The following EBPL variants were observed in gnomAD, a reference collection of about 807,000 sequenced individuals.
EBPL encodes emopamil-binding protein-like.
In EBPL, 20 loss-of-function variants were observed where a neutral mutation model predicts 19.0. The observed-to-expected ratio is 1.05, with a 90% CI of 0.74 to 1.53. EBPL has a LOEUF of 1.53. EBPL is among the 40% of genes most tolerant of loss of function. EBPL has a pLI of 0.00. For synonymous variants in EBPL, 107 were observed against 117.0 expected, an observed-to-expected ratio of 0.91 and a Z score of 0.55; for missense variants, 219 against 261.1, an observed-to-expected ratio of 0.84 and a Z score of 1.11.
chr13:49,679,915 T>C (rs1319208500), intron 1 of EBPL, among the ~76,000 whole-genome samples: 1 of 152,152 alleles, frequency 6.6e-6, no homozygotes, highest in African/African-American at 2.4e-5. Context: ...ATATGTCTAG[T>C]GAATGAATAA....
At chr13:49,666,845 C>T (rs921737784) in intron 2 of EBPL, among the ~76,000 whole-genome samples, 64 of 149,226 alleles carry the variant, frequency 4.3e-4, no homozygotes, top group Admixed American at 3.4e-3. Context: ...ACTGACATTG[C>T]GCCACTGCAC....
intron 2 of EBPL, among the ~76,000 whole-genome samples, chr13:49,669,539 T>C (rs2137490344): frequency 6.6e-6 from 1 of 152,196 alleles, no homozygotes; most frequent in South Asian, 2.1e-4. Context: ...TTTTAGAACA[T>C]TTCATTACCC....
At chr13:49,667,170 C>G (rs1357683403) in intron 2 of EBPL, among the ~76,000 whole-genome samples, 2 of 152,180 alleles carry the variant, frequency 1.3e-5, no homozygotes, top group Non-Finnish European at 2.9e-5. Context: ...CTCCCTCTGG[C>G]AGTCCCTCTG....
chr13:49,674,766 C>G (rs901821208), intron 1 of EBPL, among the ~76,000 whole-genome samples: 17 of 152,072 alleles, frequency 1.1e-4, no homozygotes, highest in Non-Finnish European at 2.2e-4. Flanking sequence ...GGGAGGCAGG[C>G]TGAGAGGTAG....
chr13:49,686,677 T>C (rs987520501), intron 1 of EBPL: 5 of 1,245,986 alleles, frequency 4.0e-6, no homozygotes, highest in Non-Finnish European at 5.2e-6. Flanking sequence ...GCAAAAGCAG[T>C]CATACCTGGG....
chr13:49,682,866 G>A (rs982455691), intron 1 of EBPL, among the ~76,000 whole-genome samples: 1 of 152,118 alleles, frequency 6.6e-6, no homozygotes, highest in African/African-American at 2.4e-5. Context: ...CATCCCAAAG[G>A]CCCTTGTTCT....
chr13:49,672,710 A>C (rs1488309473), intron 1 of EBPL, among the ~76,000 whole-genome samples: 1 of 152,250 alleles, frequency 6.6e-6, no homozygotes, highest in East Asian at 1.9e-4. Context: ...CTCATTAGCC[A>C]CCAAGGAAAC....
Position 49,686,119 on chromosome 13 carries a change from T to C in EBPL, c.171+5135A>G, listed in dbSNP as rs539749416. On this transcript the variant is annotated intron_variant, in intron 1 of 3. Transcript: ENST00000242827. ...GGACAAGGCTAATCAGACTACACCA[T>C]GACAAAAGTGTGGAAGCAACAACCA... is the stretch of plus-strand genomic sequence containing the variant. Among the ~76,000 whole-genome samples the C allele has an allele frequency of 8.7e-4, 132 of 152,190 alleles. 1 individual carries two copies. Among genetic ancestry groups the C allele is most frequent in the Non-Finnish European group, 1.5e-3 (103 of 68,044 alleles).
At chr13:49,666,023 TGGA>T (rs879443656) in intron 2 of EBPL, among the ~76,000 whole-genome samples, 1 of 152,030 alleles carries the variant, frequency 6.6e-6, no homozygotes, top group Non-Finnish European at 1.5e-5. Flanking sequence ...GCAGATGAGA[TGGA>T]GGAGGTTTAT....
chr13:49,683,439 G>A (rs771318005), intron 1 of EBPL, among the ~76,000 whole-genome samples: 8 of 152,088 alleles, frequency 5.3e-5, no homozygotes, highest in Admixed American at 2.6e-4. Flanking sequence ...GCTGAGGCAG[G>A]AGAATGGTGT....
At chr13:49,682,396 ACAT>A (rs1386113720) in intron 1 of EBPL, among the ~76,000 whole-genome samples, 6 of 152,376 alleles carry the variant, frequency 3.9e-5, no homozygotes, top group African/African-American at 1.4e-4. Context: ...TTGGACATAT[ACAT>A]CATCACTTTA....
intron 1 of EBPL, among the ~76,000 whole-genome samples, chr13:49,690,192 T>C (rs1258713707): frequency 7.5e-6 from 1 of 132,716 alleles, no homozygotes; most frequent in Non-Finnish European, 1.7e-5. Flanking sequence ...AAAAAAAGAA[T>C]TCTATAAATA....
intron 1 of EBPL, among the ~76,000 whole-genome samples, chr13:49,673,926 G>C (rs936556970): frequency 2.1e-5 from 3 of 145,140 alleles, no homozygotes; most frequent in African/African-American, 7.6e-5. Context: ...GTTGATATAT[G>C]AATCTACCCA....
intron 1 of EBPL, among the ~76,000 whole-genome samples, chr13:49,670,200 T>G (rs969869713): frequency 3.3e-5 from 5 of 152,322 alleles, no homozygotes; most frequent in African/African-American, 1.2e-4. Context: ...CTTAAGTCTT[T>G]GCGGAGAACC....
At chr13:49,685,564 A>G (rs1953987312) in intron 1 of EBPL, among the ~76,000 whole-genome samples, 1 of 152,184 alleles carries the variant, frequency 6.6e-6, no homozygotes, top group African/African-American at 2.4e-5. Flanking sequence ...AAAACAGCAA[A>G]GCAGTCCTCC....
At position 49,661,948 on chromosome 13, in the gene EBPL, A is replaced by G. The variant is rs1368823394; in HGVS notation, c.381-740T>C. The stretch of plus-strand genomic sequence containing the variant: ...TGTCCCTAAGGAAAGAAAAGGAAGG[A>G]AGGGAGGAGAGTTTATAGTCTCTGA... On this transcript the variant is annotated intron_variant, in intron 3 of 3. Transcript: ENST00000242827. 19 of 1,539,884 alleles carry G rather than the reference A, an allele frequency of 1.2e-5. No individual in the cohort carries two copies. The South Asian group carries it at 2.3e-4, about 18-fold the overall frequency.
Position 49,691,433 on chromosome 13 carries a change from C to G in EBPL, c.-9G>C, listed in dbSNP as rs769943681. The G allele has an allele frequency of 1.3e-4, 173 of 1,334,388 alleles. No homozygotes were observed. The highest frequency in any genetic ancestry group is 2.3e-4 in the Middle Eastern group (1 of 4,272). The allele number at this position is 1,334,388 out of a possible 1,614,324, so 82.7% of individuals were successfully genotyped here. A position where few individuals can be genotyped will look rare whatever the true frequency, so the allele number is the denominator to read the frequency against. On this transcript the variant is annotated 5_prime_UTR_variant, in exon 1 of 4. Transcript: ENST00000242827. ...TCCCACTCAGCGCCCATGCTTCAGG[C>G]TTCCGACGCCAACGGCCCAGGACCA...
chr13:49,671,640 C>T (rs1352290162), intron 1 of EBPL, among the ~76,000 whole-genome samples: 1 of 152,198 alleles, frequency 6.6e-6, no homozygotes, highest in African/African-American at 2.4e-5. Context: ...CAAAGCACAT[C>T]CACTGGGCTG....
rs574022114 is a variant in EBPL, at chr13:49,660,809, G to A, written c.*159C>T. On this transcript the variant is annotated 3_prime_UTR_variant, in exon 4 of 4. Coordinates refer to ENST00000242827, the MANE Select transcript of EBPL (RefSeq NM_032565.5). The stretch of plus-strand genomic sequence containing the variant: ...CCATTTAATTGAACAACAATACAAC[G>A]AAAACTGGTCGCCTTAAAACCAATT... The A allele has an allele frequency of 4.2e-4, 247 of 585,828 alleles. 1 individual carries two copies. The highest frequency in any genetic ancestry group is 1.7e-3 in the Admixed American group (49 of 29,612). 36.3% of individuals were successfully genotyped at this position (585,828 alleles called of 1,614,324 possible).
Sources: allele counts gnomAD v4.1 joint callset (sites outside exome capture counted in the v4.1 genomes callset), GRCh38; gene constraint gnomAD v4.1.1; transcripts MANE v1.5; gene names NCBI Gene and HGNC (gene_info 2026-07-23, HGNC 2026-07-21).